Variants in CNDP2 observed in about 807,000 individuals in gnomAD.
CNDP2 encodes the protein carnosine dipeptidase 2, also known as cytosolic non-specific dipeptidase.
In CNDP2, 38 loss-of-function variants were observed where a neutral mutation model predicts 55.0. That is an observed-to-expected ratio of 0.69 (90% CI 0.53 to 0.90). The LOEUF (loss-of-function observed/expected upper bound fraction) is 0.90. Among genes scored for constraint, CNDP2 ranks in the 40% least tolerant of loss-of-function variants. The pLI is 0.00. For synonymous variants in CNDP2, 241 were observed against 260.2 expected (o/e 0.93, Z 0.71); for missense variants, 607 against 621.7 (o/e 0.98, Z 0.25).
intron 8 of CNDP2, 119 bp downstream of exon 8, chr18:74,513,838 G>A (rs933641597): frequency 3.9e-6 from 4 of 1,025,362 alleles, no homozygotes; most frequent in Non-Finnish European, 5.6e-6. Flanking sequence ...TGGAATGTCC[G>A]ATGCACATGA....
chr18:74,496,866 C>T (rs1048221189), intron 1 of CNDP2, among the ~76,000 whole-genome samples: 2 of 152,158 alleles, frequency 1.3e-5, no homozygotes, highest in Admixed American at 1.3e-4. Flanking sequence ...TCCAACGGAT[C>T]CCTTTCCCGG....
rs765345246 is a variant in CNDP2, at chr18:74,518,555, G to A, written c.1125G>A (p.Lys375=). ...FAELRSPNEF[K]VYMGHGGKPW... is the part of the protein sequence containing the mutation. The stretch of plus-strand genomic sequence containing the variant: ...AACTACGCAGCCCCAATGAGTTCAA[G>A]GTGTACATGGGCCACGGTGGGAAGC... Residue 375 remains lysine (K), a synonymous_variant, in exon 10 of 12, where the codon AAG becomes AAA. Transcript: ENST00000324262. The A allele has an allele frequency of 1.4e-5, 23 of 1,614,106 alleles. No homozygotes were observed. Among genetic ancestry groups the A allele is most frequent in the Non-Finnish European group, 1.9e-5 (23 of 1,180,052 alleles).
At chr18:74,519,205 GC>G in intron 11 of CNDP2, 109 bp downstream of exon 11, 3 of 1,379,716 alleles carry the variant, frequency 2.2e-6, no homozygotes, top group Non-Finnish European at 2.9e-6. Flanking sequence ...GGGGGTGATG[GC>G]CCCGTGACCT....
chr18:74,499,626 G>T, intron 1 of CNDP2: 1 of 267,800 alleles, frequency 3.7e-6, no homozygotes, highest in Non-Finnish European at 7.0e-6. Flanking sequence ...AACTAAAAGT[G>T]CCTACTTTTA....
At chr18:74,502,278 G>T (rs1978747569) in intron 3 of CNDP2, among the ~76,000 whole-genome samples, 1 of 152,188 alleles carries the variant, frequency 6.6e-6, no homozygotes, top group Non-Finnish European at 1.5e-5. Context: ...GTCTCACTTT[G>T]TGGTACAGTA....
chr18:74,518,883 T>C, intron 10 of CNDP2, 66 bp from the exon 11 acceptor site: 2 of 1,601,492 alleles, frequency 1.2e-6, no homozygotes, highest in Non-Finnish European at 1.7e-6. Flanking sequence ...TGAGTAGTGG[T>C]CTGAGACAGA....
In CNDP2 at chr18:74,519,082, T is replaced by C. The variant is rs1295846071; in HGVS notation, c.1344T>C (p.Asn448=). Residue 448 remains asparagine, a synonymous_variant, in exon 11 of 12, where the codon AAT becomes AAC. Transcript: ENST00000324262. ...GSADDGAHSQ[N]EKLNRYNYIE... is the part of the protein sequence containing the mutation. ...CGGATGACGGAGCCCACTCCCAGAATGAAAAGCTCAACAGGTGAGAGTCCA... is the reference window on the plus strand; with the variant it reads ...CGGATGACGGAGCCCACTCCCAGAACGAAAAGCTCAACAGGTGAGAGTCCA... 8 of 1,609,372 alleles carry C rather than the reference T, an allele frequency of 5.0e-6. No individual in the cohort carries two copies. The African/African-American group carries it at 1.1e-4, about 22-fold the overall frequency.
intron 9 of CNDP2, chr18:74,518,186 C>T (rs968299647): frequency 4.8e-5 from 9 of 186,364 alleles, no homozygotes; most frequent in South Asian, 1.0e-4. Flanking sequence ...GGCGTGAACC[C>T]GGGAGGCGGA....
intron 9 of CNDP2, chr18:74,517,974 TAAG>T (rs1979783017): frequency 6.6e-6 from 1 of 152,262 alleles, no homozygotes; most frequent in African/African-American, 2.4e-5. Context: ...TATTTTTTGA[TAAG>T]AAGTCCCCTC....
chr18:74,509,088 T>C (rs2144592834), intron 5 of CNDP2, 160 bp downstream of exon 5: 1 of 580,600 alleles, frequency 1.7e-6, no homozygotes, highest in Non-Finnish European at 3.1e-6. Flanking sequence ...TGTAAGAGTA[T>C]AGGTTTGTTT....
At chr18:74,508,000 A>C (rs1979126815) in intron 4 of CNDP2, 2 of 152,312 alleles carry the variant, frequency 1.3e-5, no homozygotes, top group East Asian at 3.8e-4. Flanking sequence ...GAAATTCCCC[A>C]GGTGGTGATG....
intron 6 of CNDP2, among the ~76,000 whole-genome samples, chr18:74,511,422 C>A (rs750438460): frequency 6.6e-6 from 1 of 152,136 alleles, no homozygotes; most frequent in Admixed American, 6.5e-5. Flanking sequence ...AAAGAGAAAC[C>A]GAGGCCGGGT....
intron 1 of CNDP2, chr18:74,499,670 C>T: frequency 2.7e-6 from 1 of 376,084 alleles, no homozygotes. Flanking sequence ...TCAGGCCCTC[C>T]CTCTGTTGTT....
chr18:74,513,116 G>A (rs1979449206), intron 7 of CNDP2, among the ~76,000 whole-genome samples: 1 of 152,230 alleles, frequency 6.6e-6, no homozygotes, highest in African/African-American at 2.4e-5. Context: ...CTCAGGAGCA[G>A]CTTGTTTCTT....
chr18:74,510,412 G>C (rs551720850), intron 5 of CNDP2, among the ~76,000 whole-genome samples: 2 of 152,206 alleles, frequency 1.3e-5, no homozygotes, highest in African/African-American at 4.8e-5. Context: ...CAGGCTCCTC[G>C]GGGAGAGCAG....
chr18:74,519,110 G>C lies in CNDP2; in HGVS notation c.1358+14G>C. 6.3e-7 allele frequency: 1 copy of C among 1,595,310 alleles called. No individual in the cohort carries two copies. Among genetic ancestry groups the C allele is most frequent in the Non-Finnish European group, 8.6e-7 (1 of 1,166,840 alleles). On this transcript the variant is annotated intron_variant, in intron 11 of 11. Coordinates refer to ENST00000324262, the MANE Select transcript of CNDP2 (RefSeq NM_018235.3). ...AAAGCTCAACAGGTGAGAGTCCAGG[G>C]TGCGGCCCAGGTTGGCGTCTCCTGC...
chr18:74,518,286 A>G (rs1235909992), intron 9 of CNDP2: 2 of 465,552 alleles, frequency 4.3e-6, no homozygotes, highest in African/African-American at 3.9e-5. Flanking sequence ...ATAAAAAAAG[A>G]AGTCTCCTCT....
In CNDP2 at chr18:74,505,895, G is replaced by C. The variant is rs1406456868; in HGVS notation, c.251G>C (p.Arg84Thr). ...EIPLPPILLG[R>T]LGSDPQKKTV... ...CCGCTCCCTCCTATTCTGCTCGGCA[G>C]GCTGGGCTCCGACCCACAGAAGAAG... The change falls in exon 4 of 12, where the codon AGG (arginine) becomes ACG (threonine). Residue 84 changes from arginine to threonine, a missense_variant. Physicochemically the swap from Arg to Thr is moderately conservative, Grantham distance 71. Coordinates refer to ENST00000324262, the MANE Select transcript of CNDP2 (RefSeq NM_018235.3). The C allele has an allele frequency of 6.2e-7, 1 of 1,611,906 alleles. No individual in the cohort carries two copies. Among genetic ancestry groups the C allele is most frequent in the Non-Finnish European group, 8.5e-7 (1 of 1,179,384 alleles).
Position 74,520,241 on chromosome 18 carries a change from C to T in CNDP2, c.*173C>T, listed in dbSNP as rs867591691. 8.0e-6 allele frequency: 5 copies of T among 623,826 alleles called. No individual in the cohort carries two copies. The highest frequency in any genetic ancestry group is 3.7e-5 in the African/African-American group (2 of 54,206). 38.6% of individuals were successfully genotyped at this position (623,826 alleles called of 1,614,324 possible). On this transcript the variant is annotated 3_prime_UTR_variant, in exon 12 of 12. Coordinates refer to ENST00000324262, the MANE Select transcript of CNDP2 (RefSeq NM_018235.3). ...CCAGCTGTCCACGGGTGGAGCTACC[C>T]GTTGGGCTTATGAGTGACCTGGAGT...
Sources: allele counts gnomAD v4.1 joint callset (sites outside exome capture counted in the v4.1 genomes callset), GRCh38; gene constraint gnomAD v4.1.1; transcripts MANE v1.5; gene names NCBI Gene and HGNC (gene_info 2026-07-23, HGNC 2026-07-21).